The following MAP4K3 variants were observed in gnomAD, a reference collection of about 807,000 sequenced individuals.
The protein encoded by MAP4K3 is mitogen-activated protein kinase kinase kinase kinase 3, also known as MAPK/ERK kinase kinase kinase 3.
A neutral mutation model predicts 143.5 loss-of-function variants in MAP4K3; 94 were observed. The observed-to-expected ratio is 0.65, with a 90% CI of 0.55 to 0.78. The LOEUF (loss-of-function observed/expected upper bound fraction) is 0.78, where lower values mean the gene tolerates loss of function less well. Among genes scored for constraint, MAP4K3 ranks in the 30% least tolerant of loss-of-function variants. MAP4K3 has a pLI of 0.00. For synonymous variants in MAP4K3, 416 were observed against 347.2 expected, an observed-to-expected ratio of 1.20 and a Z score of -2.20; for missense variants, 1,077 against 1,068.1, an observed-to-expected ratio of 1.01 and a Z score of -0.12.
At chr2:39,332,039 G>C (rs1417831776) in intron 7 of MAP4K3, 50 bp from the exon 8 acceptor site, 5 of 1,051,770 alleles carry the variant, frequency 4.8e-6, no homozygotes, top group African/African-American at 1.6e-5. Flanking sequence ...AAATAAAATT[G>C]TTTAAGGCAA....
At chr2:39,415,169 A>C (rs1667337957) in intron 1 of MAP4K3, among the ~76,000 whole-genome samples, 1 of 152,224 alleles carries the variant, frequency 6.6e-6, no homozygotes, top group African/African-American at 2.4e-5. Context: ...TTTAAATGTT[A>C]TAGCTCTCAA....
intron 2 of MAP4K3, among the ~76,000 whole-genome samples, chr2:39,358,052 A>G (rs1665660407): frequency 6.6e-6 from 1 of 152,216 alleles, no homozygotes; most frequent in South Asian, 2.1e-4. Flanking sequence ...GAGGAGAAAC[A>G]GGTAAAAGGA....
Position 39,436,911 on chromosome 2 carries a change from G to A in MAP4K3, c.77C>T (p.Thr26Ile). ...CTTTACCTTGTAGACGTCGCCGTAG[G>A]TGCCGCTGCCGATGCGCTGAATCAG... is the stretch of plus-strand genomic sequence containing the variant. ...FELIQRIGSGTYGDVYKARNV... is the reference protein window; with the variant it reads ...FELIQRIGSGIYGDVYKARNV... Residue 26 changes from threonine to isoleucine, a missense_variant, in exon 1 of 34, where the codon ACC (threonine) becomes ATC (isoleucine). By Grantham distance (89) the Thr-to-Ile change is moderately conservative. This residue lies in a region of MAP4K3 where 213 missense variants were observed against 266.8 expected (regional missense o/e 0.80). Transcript: ENST00000263881. 3 of 1,611,798 alleles carry A rather than the reference G, an allele frequency of 1.9e-6. No individual in the cohort carries two copies. Among genetic ancestry groups the A allele is most frequent in the Non-Finnish European group, 2.5e-6 (3 of 1,179,272 alleles).
At chr2:39,391,575 T>C (rs1274911674) in intron 1 of MAP4K3, among the ~76,000 whole-genome samples, 3 of 152,044 alleles carry the variant, frequency 2.0e-5, no homozygotes, top group Non-Finnish European at 4.4e-5. Flanking sequence ...TTTAGAAAAA[T>C]ACATTCACTT....
At chr2:39,436,838 T>A in intron 1 of MAP4K3, 54 bp downstream of exon 1, 1 of 1,506,580 alleles carries the variant, frequency 6.6e-7, no homozygotes, top group South Asian at 1.2e-5. Context: ...ACGCCCAGGC[T>A]TGGCTGCGGG....
intron 2 of MAP4K3, among the ~76,000 whole-genome samples, chr2:39,377,235 A>C (rs1483536461): frequency 6.9e-6 from 1 of 145,630 alleles, no homozygotes; most frequent in East Asian, 2.0e-4. Flanking sequence ...AAGTTTTTCC[A>C]CTCTTGCAAA....
intron 2 of MAP4K3, among the ~76,000 whole-genome samples, chr2:39,372,009 T>A (rs190929301): frequency 6.6e-5 from 10 of 151,718 alleles, no homozygotes; most frequent in Admixed American, 6.6e-4. Context: ...TATCCTTGTT[T>A]GCAGATTATA....
intron 21 of MAP4K3, 72 bp downstream of exon 21, chr2:39,286,780 G>GT (rs1215884995): frequency 1.3e-6 from 1 of 797,662 alleles, no homozygotes; most frequent in African/African-American, 1.7e-5. Flanking sequence ...GTCACTAATT[G>GT]TAAGCATAAA....
At chr2:39,368,056 T>A (rs1172649573) in intron 2 of MAP4K3, among the ~76,000 whole-genome samples, 3 of 152,106 alleles carry the variant, frequency 2.0e-5, no homozygotes, top group African/African-American at 7.2e-5. Context: ...GATCCAGCTC[T>A]TTTGAGAGCC....
intron 31 of MAP4K3, 44 bp from the exon 32 acceptor site, chr2:39,254,564 T>G (rs376738302): frequency 6.8e-7 from 1 of 1,465,000 alleles, no homozygotes; most frequent in African/African-American, 1.4e-5. Flanking sequence ...AGTACAAAAG[T>G]TCAACTGATA....
intron 1 of MAP4K3, among the ~76,000 whole-genome samples, chr2:39,403,684 A>G (rs1667015999): frequency 6.6e-6 from 1 of 151,948 alleles, no homozygotes. Context: ...ACTCTTAGGC[A>G]AAGTCGTAGG....
At chr2:39,300,044 ACT>A (rs1366930930) in intron 15 of MAP4K3, among the ~76,000 whole-genome samples, 3 of 152,032 alleles carry the variant, frequency 2.0e-5, no homozygotes, top group Non-Finnish European at 4.4e-5. Context: ...ATTTTTGGTT[ACT>A]GTTACTTTAA....
In MAP4K3 at chr2:39,250,643, A is replaced by T; in HGVS notation, c.2660T>A (p.Leu887Gln). The T allele has an allele frequency of 6.2e-7, 1 of 1,613,860 alleles. No homozygotes were observed. The highest frequency in any genetic ancestry group is 8.5e-7 in the Non-Finnish European group (1 of 1,179,814). ...TCAGTAACTGTTTTCATGACCCGCC[A>T]GGATGTACAAATTGCTATTTGCTGT... Reference protein sequence around the residue: ...NPTANSNLYILAGHENSY With the variant: ...NPTANSNLYIQAGHENSY Residue 887 changes from leucine (L) to glutamine (Q), a missense_variant, in exon 34 of 34, where the codon CTG (leucine) becomes CAG (glutamine). By Grantham distance (113) the Leu-to-Gln change is moderately radical (BLOSUM62 -2). Transcript: ENST00000263881.
intron 1 of MAP4K3, among the ~76,000 whole-genome samples, chr2:39,421,577 C>T (rs1410797817): frequency 6.6e-6 from 1 of 151,990 alleles, no homozygotes; most frequent in Admixed American, 6.5e-5. Flanking sequence ...AATAACAATA[C>T]CTACCTCGTA....
rs748398050 is a variant in MAP4K3, at chr2:39,315,325, G to A, written c.982C>T (p.Arg328Cys). ...TSRNVREEKT[R>C]SEITFGQVKF... ...ATATACTTACAGGTTATCTCTGAGC[G>A]TGTTTTTTCTTCTCTCACGTTTCTA... The change falls in exon 13 of 34, where the codon CGC (arginine) becomes TGC (cysteine). Residue 328 changes from arginine (R) to cysteine (C), a missense_variant. Arg to Cys is a radical substitution (Grantham distance 180, BLOSUM62 -3). Coordinates refer to ENST00000263881, the MANE Select transcript of MAP4K3 (RefSeq NM_003618.4). The A allele has an allele frequency of 1.1e-5, 18 of 1,607,000 alleles. No individual in the cohort carries two copies. Among genetic ancestry groups the A allele is most frequent in the African/African-American group, 1.3e-5 (1 of 74,728 alleles).
chr2:39,255,889 T>C (rs1348825634), intron 31 of MAP4K3, among the ~76,000 whole-genome samples: 1 of 152,210 alleles, frequency 6.6e-6, no homozygotes, highest in Non-Finnish European at 1.5e-5. Context: ...GGATTCTTAC[T>C]GCAGATCCAC....
intron 19 of MAP4K3, among the ~76,000 whole-genome samples, chr2:39,289,959 T>C (rs529255286): frequency 6.6e-6 from 1 of 152,046 alleles, no homozygotes; most frequent in East Asian, 1.9e-4. Flanking sequence ...TGGTGGTGGG[T>C]GCCTGTAATC....
intron 8 of MAP4K3, among the ~76,000 whole-genome samples, chr2:39,331,615 G>A (rs908465019): frequency 2.0e-5 from 3 of 152,094 alleles, no homozygotes; most frequent in Admixed American, 6.5e-5. Context: ...AAACACCTGT[G>A]AAAATACATG....
intron 1 of MAP4K3, among the ~76,000 whole-genome samples, chr2:39,434,165 T>C (rs1211505214): frequency 6.6e-6 from 1 of 152,246 alleles, no homozygotes; most frequent in Non-Finnish European, 1.5e-5. Context: ...ATCATTCCAT[T>C]TTTAGCACGT....
Sources: allele counts gnomAD v4.1 joint callset (sites outside exome capture counted in the v4.1 genomes callset), GRCh38; gene constraint gnomAD v4.1.1; regional missense constraint gnomAD v4.1.1; transcripts MANE v1.5; gene names NCBI Gene and HGNC (gene_info 2026-07-23, HGNC 2026-07-21).